The following PCDHA3 variants were observed in gnomAD, a reference collection of about 807,000 sequenced individuals.
PCDHA3 encodes protocadherin alpha-3.
PCDHA3 carries 41 observed loss-of-function variants against 62.2 expected under a neutral mutation model. The observed-to-expected ratio is 0.66, with a 90% CI of 0.51 to 0.86. The LOEUF is 0.86. Ranked by LOEUF, PCDHA3 falls within the 40% of genes least tolerant of loss-of-function variation. The pLI is 0.00. For missense variants in PCDHA3, 1,304 were observed against 1,241.2 expected, an observed-to-expected ratio of 1.05 and a Z score of -0.76; for synonymous variants, 640 against 555.4, an observed-to-expected ratio of 1.15 and a Z score of -2.14.
At chr5:140,921,285 T>G (rs1275527554) in intron 1 of PCDHA3, among the ~76,000 whole-genome samples, 1 of 152,180 alleles carries the variant, frequency 6.6e-6, no homozygotes. Context: ...GAAAAAAACC[T>G]CAAATTTGCT....
intron 1 of PCDHA3, chr5:140,809,563 C>T (rs1764498458): frequency 6.2e-7 from 1 of 1,608,252 alleles, no homozygotes. Flanking sequence ...CTGAGGAATC[C>T]TTTGCAAAGG....
Position 140,883,309 on chromosome 5 carries a change from C to T in PCDHA3, c.2394+79718C>T, listed in dbSNP as rs782264263. The T allele has an allele frequency of 4.3e-6, 7 of 1,613,930 alleles. No individual in the cohort carries two copies. In the Admixed American group the frequency reaches 1.2e-4, roughly 27 times the overall value. ...AAGTACTAGATGTAAATGATAACGCCCCAGAGGTTACCATCACTTCTTTGT... is the reference window on the plus strand; with the variant it reads ...AAGTACTAGATGTAAATGATAACGCTCCAGAGGTTACCATCACTTCTTTGT... On this transcript the variant is annotated intron_variant, in intron 1 of 3. Transcript: ENST00000522353.
intron 1 of PCDHA3, chr5:140,875,919 C>G: frequency 2.5e-6 from 4 of 1,614,168 alleles, no homozygotes; most frequent in Non-Finnish European, 3.4e-6. Flanking sequence ...CGCCTCTGGA[C>G]TCTCATTTTC....
rs189065461 is a variant in PCDHA3, at chr5:140,869,908, C to A, written c.2394+66317C>A. ...TGTGCTCAAACTAAACGCCACAGACCGAGACGAAGGAGTCAATGGAGAGGT... is the reference window on the plus strand; with the variant it reads ...TGTGCTCAAACTAAACGCCACAGACAGAGACGAAGGAGTCAATGGAGAGGT... On this transcript the variant is annotated intron_variant, in intron 1 of 3. Coordinates refer to ENST00000522353, the MANE Select transcript of PCDHA3 (RefSeq NM_018906.3). 6.2e-6 allele frequency: 10 copies of A among 1,610,646 alleles called. No homozygotes were observed. In the Admixed American group the frequency reaches 6.7e-5, roughly 11 times the overall value.
intron 1 of PCDHA3, chr5:140,869,286 G>C: frequency 6.2e-7 from 1 of 1,613,616 alleles, no homozygotes; most frequent in Non-Finnish European, 8.5e-7. Flanking sequence ...AGCTGGTGCA[G>C]CGCCTGTTCC....
chr5:140,970,059 G>C (rs2096380498), intron 1 of PCDHA3, among the ~76,000 whole-genome samples: 1 of 152,150 alleles, frequency 6.6e-6, no homozygotes. Context: ...GTCCAGGGAG[G>C]TATTAGAATG....
rs142105240 is a variant in PCDHA3, at chr5:140,882,817, A to G, written c.2394+79226A>G. The G allele has an allele frequency of 5.3e-5, 86 of 1,614,242 alleles. 1 individual carries two copies. The African/African-American group carries it at 9.9e-4, about 19-fold the overall frequency. The stretch of plus-strand genomic sequence containing the variant: ...ACGATTATTTCACTTTGGACGCACA[A>G]AACAGTCTTGAGCAAATGTCTTCAT... On this transcript the variant is annotated intron_variant, in intron 1 of 3. Transcript: ENST00000522353.
intron 1 of PCDHA3, chr5:140,850,534 C>A: frequency 6.3e-7 from 1 of 1,598,276 alleles, no homozygotes; most frequent in Non-Finnish European, 8.6e-7. Flanking sequence ...AAGTCATCGT[C>A]GCGGGCGTCA....
At position 141,010,228 on chromosome 5, in the gene PCDHA3, C is replaced by T. The variant is rs1290626143; in HGVS notation, c.*291C>T. The stretch of plus-strand genomic sequence containing the variant: ...CCGCAAAGGAGAGGCTTCCCAGCCC[C>T]GCCAGTGAGAGGTTGGACTCTCTGC... On this transcript the variant is annotated 3_prime_UTR_variant, in exon 4 of 4. Coordinates refer to ENST00000522353, the MANE Select transcript of PCDHA3 (RefSeq NM_018906.3). 35 of 1,551,916 alleles carry T rather than the reference C, an allele frequency of 2.3e-5. No homozygotes were observed. The highest frequency in any genetic ancestry group is 2.8e-5 in the Non-Finnish European group (32 of 1,147,054).
rs2096268798 is a variant in PCDHA3 at position 140,968,765 on chromosome 5, G to A, written c.2395-10184G>A. 8.1e-6 allele frequency: 13 copies of A among 1,614,078 alleles called. No homozygotes were observed. The East Asian group carries it at 2.2e-4, about 28-fold the overall frequency. On this transcript the variant is annotated intron_variant, in intron 1 of 3. Transcript: ENST00000522353. Reference sequence around the variant, plus strand: ...GACCGTGGTGGTCCGAGATAATGGAGAGCCATCACTATCAGCCTCTGTGGC... The same window carrying A: ...GACCGTGGTGGTCCGAGATAATGGAAAGCCATCACTATCAGCCTCTGTGGC...
chr5:141,000,924 G>C (rs375816680), intron 3 of PCDHA3, among the ~76,000 whole-genome samples: 97 of 152,046 alleles, frequency 6.4e-4, no homozygotes, highest in African/African-American at 2.2e-3. Context: ...AAAAAATCCT[G>C]TGTGATTTAG....
At chr5:141,005,302 G>T (rs940194498) in intron 3 of PCDHA3, among the ~76,000 whole-genome samples, 1 of 152,160 alleles carries the variant, frequency 6.6e-6, no homozygotes, top group Non-Finnish European at 1.5e-5. Context: ...TTGCCTTTGT[G>T]AATCTTACAG....
rs578208339 is a variant in PCDHA3 at position 141,001,194 on chromosome 5, C to G, written c.2543-8433C>G. Among the ~76,000 whole-genome samples the G allele has an allele frequency of 1.1e-4, 17 of 152,218 alleles. 1 individual carries two copies. In the South Asian group the frequency reaches 3.3e-3, roughly 30 times the overall value. On this transcript the variant is annotated intron_variant, in intron 3 of 3. Coordinates refer to ENST00000522353, the MANE Select transcript of PCDHA3 (RefSeq NM_018906.3). ...ACGAGTTTTTACTTTGCACCATGCA[C>G]TTATGCTATGTGCTGTATAAGGATA...
intron 1 of PCDHA3, chr5:140,968,517 C>T: frequency 6.2e-7 from 1 of 1,614,206 alleles, no homozygotes; most frequent in Non-Finnish European, 8.5e-7. Flanking sequence ...TACCCTACCT[C>T]AACCAACTCG....
At chr5:140,843,473 T>A (rs2150360834) in intron 1 of PCDHA3, 2 of 1,595,974 alleles carry the variant, frequency 1.3e-6, no homozygotes, top group Non-Finnish European at 1.7e-6. Flanking sequence ...GCTGCTGCTG[T>A]ACACTGCGCT....
chr5:140,941,181 G>C (rs2092747130), intron 1 of PCDHA3, among the ~76,000 whole-genome samples: 1 of 114,608 alleles, frequency 8.7e-6, no homozygotes, highest in African/African-American at 3.2e-5. Flanking sequence ...TGAACATCCT[G>C]CTTCTTTTTT....
At chr5:140,824,358 T>G (rs1768098936) in intron 1 of PCDHA3, 4 of 580,936 alleles carry the variant, frequency 6.9e-6, no homozygotes, top group Admixed American at 3.5e-5. Context: ...ATATTTTATA[T>G]TAGCATTTGA....
intron 1 of PCDHA3, chr5:140,841,933 C>G (rs2150325780): frequency 1.2e-6 from 2 of 1,613,858 alleles, no homozygotes; most frequent in Non-Finnish European, 1.7e-6. Flanking sequence ...ACAGAGAGGA[C>G]GCTCCTGCGC....
At chr5:140,952,125 AG>A (rs1234128402) in intron 1 of PCDHA3, among the ~76,000 whole-genome samples, 1 of 152,092 alleles carries the variant, frequency 6.6e-6, no homozygotes, top group Non-Finnish European at 1.5e-5. Context: ...TGGGCTCCCA[AG>A]GCCTTGGGAA....
Sources: allele counts gnomAD v4.1 joint callset (sites outside exome capture counted in the v4.1 genomes callset), GRCh38; gene constraint gnomAD v4.1.1; transcripts MANE v1.5; gene names NCBI Gene and HGNC (gene_info 2026-07-23, HGNC 2026-07-21).